NBAS: variants seen among roughly 807,000 people sequenced by gnomAD.
NBAS encodes NBAS subunit of NRZ tethering complex.
A neutral mutation model predicts 302.5 loss-of-function variants in NBAS; 219 were observed. The ratio of observed to expected loss-of-function variants is 0.72; its 90% CI spans 0.65 to 0.81. The LOEUF is 0.81. Ranked by LOEUF, NBAS falls within the 30% of genes least tolerant of loss-of-function variation. The pLI is 0.00. For synonymous variants in NBAS, 1,118 were observed against 1,021.6 expected (o/e 1.09, Z -1.80); for missense variants, 2,932 against 2,841.6 (o/e 1.03, Z -0.72).
chr2:14,888,941 G>A, the NBAS span, among the ~76,000 whole-genome samples: 3 of 152,198 alleles, frequency 2.0e-5, no homozygotes, highest in African/African-American at 7.2e-5. Flanking sequence ...CTTGCACTTT[G>A]CTGAATGTTC....
intron 19 of NBAS, among the ~76,000 whole-genome samples, chr2:15,465,209 A>T (rs1250176808): frequency 6.6e-6 from 1 of 152,236 alleles, no homozygotes; most frequent in Non-Finnish European, 1.5e-5. Flanking sequence ...TCAGAGACAC[A>T]GCAGCAAACA....
the NBAS span, among the ~76,000 whole-genome samples, chr2:14,901,485 T>C: frequency 1.3e-3 from 196 of 151,776 alleles, no homozygotes; most frequent in African/African-American, 4.5e-3. Flanking sequence ...GTAAAAGAGC[T>C]AAAGAGGATT....
intron 48 of NBAS, among the ~76,000 whole-genome samples, chr2:15,192,362 GTGAA>G (rs1177365659): frequency 1.3e-5 from 2 of 151,636 alleles, no homozygotes; most frequent in Non-Finnish European, 2.9e-5. Flanking sequence ...GAATGAATGA[GTGAA>G]TGAATGAATT....
chr2:15,520,648 T>C (rs954985277), intron 9 of NBAS, among the ~76,000 whole-genome samples: 6 of 151,810 alleles, frequency 4.0e-5, no homozygotes, highest in African/African-American at 1.5e-4. Flanking sequence ...CAAAAAAAAG[T>C]GTGGCTATGT....
chr2:15,518,130 A>G (rs371879604), intron 9 of NBAS, among the ~76,000 whole-genome samples: 1,928 of 22,878 alleles, frequency 0.084, 19 homozygotes, highest in Non-Finnish European at 0.15. Context: ...AGTCTAGGGG[A>G]AAAAAAAAAA....
chr2:14,953,971 G>A, the NBAS span, among the ~76,000 whole-genome samples: 1 of 152,162 alleles, frequency 6.6e-6, no homozygotes, highest in Non-Finnish European at 1.5e-5. Context: ...GCTAGAGCAG[G>A]ATATTTTACC....
intron 40 of NBAS, among the ~76,000 whole-genome samples, chr2:15,301,609 T>C (rs903138291): frequency 1.3e-5 from 2 of 152,196 alleles, no homozygotes; most frequent in African/African-American, 4.8e-5. Flanking sequence ...AGAAGAAAGA[T>C]GAAAGCCAGA....
intron 28 of NBAS, among the ~76,000 whole-genome samples, chr2:15,387,782 C>A (rs1203628466): frequency 2.0e-5 from 3 of 152,060 alleles, no homozygotes; most frequent in African/African-American, 7.2e-5. Flanking sequence ...CAAGCCTAAG[C>A]AACCACACCC....
At chr2:15,297,621 C>A (rs1670608001) in intron 40 of NBAS, among the ~76,000 whole-genome samples, 1 of 152,190 alleles carries the variant, frequency 6.6e-6, no homozygotes, top group Admixed American at 6.5e-5. Flanking sequence ...TGAGGCCTCC[C>A]AGCCATGCTT....
chr2:15,430,989 T>C (rs1404308579), intron 21 of NBAS, among the ~76,000 whole-genome samples: 1 of 151,780 alleles, frequency 6.6e-6, no homozygotes, highest in East Asian at 1.9e-4. Flanking sequence ...TTTTTTTTTT[T>C]AGAGAGACAG....
chr2:15,333,108 A>ATAATTATAT, intron 35 of NBAS, among the ~76,000 whole-genome samples: 1 of 152,356 alleles, frequency 6.6e-6, no homozygotes, highest in East Asian at 1.9e-4. Flanking sequence ...CCAGAACACG[A>ATAATTATAT]AGAGAGATCA....
At chr2:15,508,775 G>A (rs1170491283) in intron 10 of NBAS, among the ~76,000 whole-genome samples, 1 of 152,142 alleles carries the variant, frequency 6.6e-6, no homozygotes, top group Non-Finnish European at 1.5e-5. Context: ...AGGCCAAGGC[G>A]AGCGGATCAC....
chr2:15,021,239 T>TAAAA, the NBAS span, among the ~76,000 whole-genome samples: 3 of 148,998 alleles, frequency 2.0e-5, no homozygotes, highest in African/African-American at 7.4e-5. Flanking sequence ...AGACCTTGTC[T>TAAAA]AAAAAAAAAA....
At chr2:15,086,078 C>T in the NBAS span, among the ~76,000 whole-genome samples, 1 of 152,130 alleles carries the variant, frequency 6.6e-6, no homozygotes, top group African/African-American at 2.4e-5. Flanking sequence ...TCCAGTCCCA[C>T]AGACCAGAGT....
chr2:15,299,666 G>A (rs1046187522), intron 40 of NBAS, among the ~76,000 whole-genome samples: 3 of 152,062 alleles, frequency 2.0e-5, no homozygotes, highest in African/African-American at 4.8e-5. Context: ...ATTTTTAACC[G>A]ATTTTACCTT....
At chr2:14,828,016 A>C in the NBAS span, among the ~76,000 whole-genome samples, 1 of 152,226 alleles carries the variant, frequency 6.6e-6, no homozygotes, top group Non-Finnish European at 1.5e-5. Context: ...AAAGTGAAAA[A>C]TGAAAAACAC....
intron 8 of NBAS, among the ~76,000 whole-genome samples, chr2:15,535,966 G>T (rs1663488261): frequency 6.6e-6 from 1 of 152,210 alleles, no homozygotes; most frequent in African/African-American, 2.4e-5. Flanking sequence ...CTAGCATGAT[G>T]GTAATGTTCC....
the NBAS span, among the ~76,000 whole-genome samples, chr2:14,845,885 A>G: frequency 0.013 from 1,934 of 151,988 alleles, 48 homozygotes; most frequent in African/African-American, 0.045. Context: ...AAAAGAATAA[A>G]AAACAAAGAA....
At chr2:14,957,606 C>T in the NBAS span, among the ~76,000 whole-genome samples, 1 of 152,198 alleles carries the variant, frequency 6.6e-6, no homozygotes, top group East Asian at 1.9e-4. Flanking sequence ...ACCCACCTTT[C>T]CAGCCATTCT....
Sources: gnomAD v4.1 joint callset for allele counts (sites outside exome capture counted in the v4.1 genomes callset) on GRCh38, gnomAD v4.1.1 for gene constraint, MANE v1.5 for transcripts, NCBI Gene and HGNC (gene_info 2026-07-23, HGNC 2026-07-21) for gene names.